Variants in CHST8 observed in about 807,000 individuals in gnomAD.
The protein encoded by CHST8 is GALNAC-4-ST1.
Under a neutral mutation model 15.0 loss-of-function variants are expected in CHST8, and 10 were observed. The observed-to-expected ratio is 0.67, with a 90% CI of 0.41 to 1.13. The LOEUF (loss-of-function observed/expected upper bound fraction) is 1.13. Ranked by LOEUF, CHST8 falls within the 50% of genes most tolerant of loss-of-function variation. The probability of loss-of-function intolerance (pLI) is 0.00; values close to 1 mark genes in which losing one functional copy is unlikely to be tolerated. For synonymous variants in CHST8, 259 were observed against 256.6 expected, an observed-to-expected ratio of 1.01 and a Z score of -0.09; for missense variants, 634 against 608.2, an observed-to-expected ratio of 1.04 and a Z score of -0.45.
intron 3 of CHST8, among the ~76,000 whole-genome samples, chr19:33,770,168 T>C (rs1385985605): frequency 2.0e-5 from 3 of 152,172 alleles, no homozygotes; most frequent in African/African-American, 4.8e-5. Context: ...AGGGAAGACC[T>C]GGAGATCCCT....
At chr19:33,730,598 T>G (rs1482613193) in intron 3 of CHST8, among the ~76,000 whole-genome samples, 2 of 152,214 alleles carry the variant, frequency 1.3e-5, no homozygotes, top group Admixed American at 6.5e-5. Flanking sequence ...TTATTGGATC[T>G]CACGCAAGAA....
chr19:33,753,766 A>C (rs1250006954), intron 3 of CHST8, among the ~76,000 whole-genome samples: 1 of 14,180 alleles, frequency 7.1e-5, no homozygotes, highest in Non-Finnish European at 1.4e-4. Flanking sequence ...TCCCCCACCA[A>C]CCACCCACCA....
rs143821545 is a variant in CHST8 at position 33,649,049 on chromosome 19, G to A, written c.-163-18718G>A. Among the ~76,000 whole-genome samples the A allele has an allele frequency of 4.9e-3, 748 of 151,650 alleles. 11 individuals carry two copies. Among genetic ancestry groups the A allele is most frequent in the African/African-American group, 0.017 (702 of 41,338 alleles). On this transcript the variant is annotated intron_variant, in intron 1 of 4. Transcript: ENST00000650847. Reference sequence around the variant, plus strand: ...CACCCGAGTAGCTGGGACTACAGGCGCCCGCAACTAAGCCCGGCTAATTTT... The same window carrying A: ...CACCCGAGTAGCTGGGACTACAGGCACCCGCAACTAAGCCCGGCTAATTTT...
At chr19:33,735,684 G>T (rs544338287) in intron 3 of CHST8, among the ~76,000 whole-genome samples, 1 of 152,276 alleles carries the variant, frequency 6.6e-6, no homozygotes, top group African/African-American at 2.4e-5. Flanking sequence ...AAAATTAGCC[G>T]GGCGTGCTGG....
At chr19:33,768,278 C>A (rs115092955) in intron 3 of CHST8, among the ~76,000 whole-genome samples, 1,786 of 152,120 alleles carry the variant, frequency 0.012, 45 homozygotes, top group African/African-American at 0.04. Context: ...CTTCTTTATT[C>A]GAAAGTGAAC....
Position 33,772,335 on chromosome 19 carries a change from C to T in CHST8, c.547C>T (p.Arg183Cys), listed in dbSNP as rs762168085. The T allele has an allele frequency of 3.1e-6, 5 of 1,606,226 alleles. No homozygotes were observed. The East Asian group carries it at 6.7e-5, about 22-fold the overall frequency. The change falls in exon 5 of 5, where the codon CGT becomes TGT. Residue 183 changes from arginine (R) to cysteine (C), a missense_variant. Arg to Cys is a radical substitution (Grantham distance 180, BLOSUM62 -3). Coordinates refer to ENST00000650847, the MANE Select transcript of CHST8 (RefSeq NM_001127895.2). ...RRAVTPRHVS[R>C]IFVEDRHRVL... Reference sequence around the variant, plus strand: ...GGCCGTCACGCCCCGCCACGTGTCCCGTATCTTCGTGGAGGACCGCCACCG... The same window carrying T: ...GGCCGTCACGCCCCGCCACGTGTCCTGTATCTTCGTGGAGGACCGCCACCG...
intron 1 of CHST8, among the ~76,000 whole-genome samples, chr19:33,636,547 C>G (rs758381683): frequency 2.0e-5 from 3 of 152,108 alleles, no homozygotes; most frequent in Non-Finnish European, 4.4e-5. Context: ...AGAGAGGGTT[C>G]TTGGGTCTCG....
chr19:33,688,115 T>TG (rs963213989), intron 2 of CHST8, among the ~76,000 whole-genome samples: 5 of 152,134 alleles, frequency 3.3e-5, no homozygotes, highest in African/African-American at 4.8e-5. Context: ...AAAGCGGGGT[T>TG]GGGGGGTCCC....
chr19:33,764,859 G>A (rs1415060388), intron 3 of CHST8, among the ~76,000 whole-genome samples: 2 of 151,716 alleles, frequency 1.3e-5, no homozygotes, highest in Admixed American at 6.6e-5. Context: ...CCCTTTCCCC[G>A]AGTTCCCAAA....
chr19:33,772,045 G>A lies in CHST8; in HGVS notation c.257G>A (p.Gly86Asp). The A allele has an allele frequency of 1.9e-6, 3 of 1,612,194 alleles. No homozygotes were observed. Among genetic ancestry groups the A allele is most frequent in the Non-Finnish European group, 2.5e-6 (3 of 1,179,686 alleles). Residue 86 changes from glycine to aspartate, a missense_variant, in exon 5 of 5, where the codon GGC becomes GAC. By Grantham distance (94) the Gly-to-Asp change is moderately conservative. Transcript: ENST00000650847. Reference protein sequence around the residue: ...TRDLSSGAPRGRNLPAPDQPQ... With the variant: ...TRDLSSGAPRDRNLPAPDQPQ... ...GACTTATCCAGTGGGGCCCCGAGGG[G>A]CCGCAACCTGCCAGCGCCTGACCAG...
chr19:33,687,323 C>G (rs1972998654), intron 2 of CHST8, among the ~76,000 whole-genome samples: 1 of 152,240 alleles, frequency 6.6e-6, no homozygotes, highest in South Asian at 2.1e-4. Context: ...GAGGCCCCAG[C>G]CCCGCACAAG....
intron 2 of CHST8, among the ~76,000 whole-genome samples, chr19:33,678,142 G>A (rs1319245372): frequency 6.6e-6 from 1 of 152,136 alleles, no homozygotes; most frequent in Non-Finnish European, 1.5e-5. Context: ...ACTCTGTGGG[G>A]AAAAAGAAGG....
chr19:33,667,042 T>C (rs566756554), intron 1 of CHST8, among the ~76,000 whole-genome samples: 3 of 152,296 alleles, frequency 2.0e-5, no homozygotes, highest in Admixed American at 2.0e-4. Context: ...GGCCAGCCCC[T>C]GTGTGATCAC....
At chr19:33,676,495 G>T (rs1239286927) in intron 2 of CHST8, among the ~76,000 whole-genome samples, 1 of 150,768 alleles carries the variant, frequency 6.6e-6, no homozygotes, top group Non-Finnish European at 1.5e-5. Context: ...ACTTGAACCC[G>T]GGAGGCAGAG....
chr19:33,644,975 C>T (rs1029822870), intron 1 of CHST8, among the ~76,000 whole-genome samples: 1 of 152,146 alleles, frequency 6.6e-6, no homozygotes, highest in African/African-American at 2.4e-5. Context: ...AATTTGGCAA[C>T]AGCTGGAGAC....
chr19:33,694,202 ATATATATATATATATAT>A lies in CHST8; in HGVS notation c.130+4812_130+4828del, dbSNP rs1568331129. ...TATATATATATATATATATATATAT[ATATATATATATATATAT>A]AATGTTACCATACAGATTCTCTTGC... On this transcript the variant is annotated intron_variant, in intron 3 of 4. Transcript: ENST00000650847. 5.4e-4 allele frequency among the ~76,000 whole-genome samples: 48 copies of A among 89,144 alleles called. 1 individual carries two copies. Among genetic ancestry groups the A allele is most frequent in the African/African-American group, 2.2e-3 (46 of 20,900 alleles). The allele number at this position is 89,144 out of a possible 152,430, so 58.5% of individuals were successfully genotyped here. A position where few individuals can be genotyped will look rare whatever the true frequency, so the allele number is the denominator to read the frequency against.
intron 3 of CHST8, among the ~76,000 whole-genome samples, chr19:33,758,690 C>G (rs1974655588): frequency 6.6e-6 from 1 of 152,190 alleles, no homozygotes; most frequent in African/African-American, 2.4e-5. Context: ...TGACTCCATT[C>G]CAGGGTGAAG....
At chr19:33,704,166 C>T (rs1262923271) in intron 3 of CHST8, among the ~76,000 whole-genome samples, 3 of 152,156 alleles carry the variant, frequency 2.0e-5, no homozygotes. Context: ...TCCACCAGGG[C>T]GGGACTGCAG....
At chr19:33,732,619 C>G (rs1169912491) in intron 3 of CHST8, among the ~76,000 whole-genome samples, 1 of 152,044 alleles carries the variant, frequency 6.6e-6, no homozygotes, top group East Asian at 1.9e-4. Context: ...ATAGATAGAA[C>G]AGGGTCTGGG....
Sources: allele counts gnomAD v4.1 joint callset (sites outside exome capture counted in the v4.1 genomes callset), GRCh38; gene constraint gnomAD v4.1.1; transcripts MANE v1.5; gene names NCBI Gene and HGNC (gene_info 2026-07-23, HGNC 2026-07-21).